The following SLC12A8 variants were observed in gnomAD, a reference collection of about 807,000 sequenced individuals.
SLC12A8 encodes cation-chloride cotransporter 9.
In SLC12A8, 69 loss-of-function variants were observed where a neutral mutation model predicts 75.6. The observed-to-expected ratio is 0.91, with a 90% CI of 0.75 to 1.11. The LOEUF (loss-of-function observed/expected upper bound fraction) is 1.11. Among genes scored for constraint, SLC12A8 ranks in the 50% most tolerant of loss-of-function variants. The pLI, the probability that SLC12A8 is intolerant of heterozygous loss-of-function variation, is 0.00. For synonymous variants in SLC12A8, 365 were observed against 372.8 expected (o/e 0.98, Z 0.24); for missense variants, 877 against 896.7 (o/e 0.98, Z 0.28).
intron 2 of SLC12A8, among the ~76,000 whole-genome samples, chr3:125,200,964 T>C (rs1935108440): frequency 6.6e-6 from 1 of 152,206 alleles, no homozygotes; most frequent in East Asian, 1.9e-4. Flanking sequence ...ACAGTGACCA[T>C]GGATGTGATT....
intron 5 of SLC12A8, among the ~76,000 whole-genome samples, chr3:125,145,098 A>C (rs1415247924): frequency 6.6e-6 from 1 of 152,180 alleles, no homozygotes; most frequent in Non-Finnish European, 1.5e-5. Context: ...TTTAGCCTCA[A>C]ATCCATTTTA....
At chr3:125,180,142 A>G (rs960527513) in intron 4 of SLC12A8, among the ~76,000 whole-genome samples, 2 of 152,096 alleles carry the variant, frequency 1.3e-5, no homozygotes, top group African/African-American at 4.8e-5. Flanking sequence ...GTTTGTATCT[A>G]AAATTGCTTT....
chr3:125,177,512 T>C (rs1009069293), intron 5 of SLC12A8, among the ~76,000 whole-genome samples: 1 of 150,074 alleles, frequency 6.7e-6, no homozygotes, highest in African/African-American at 2.5e-5. Flanking sequence ...AAAAAGAAAA[T>C]AAAAGGACAC....
At chr3:125,144,899 C>A (rs781681006) in intron 5 of SLC12A8, among the ~76,000 whole-genome samples, 7 of 152,158 alleles carry the variant, frequency 4.6e-5, no homozygotes, top group Non-Finnish European at 7.3e-5. Context: ...TAAGCAGAGC[C>A]CCCCTCCTGC....
intron 2 of SLC12A8, among the ~76,000 whole-genome samples, chr3:125,210,995 A>T (rs981275034): frequency 1.5e-5 from 2 of 134,914 alleles, no homozygotes; most frequent in Admixed American, 7.3e-5. Flanking sequence ...AAATGAGTTC[A>T]TATTATCTGA....
rs1227154283 is a variant in SLC12A8, at chr3:125,177,902, A to C, written c.463T>G (p.Trp155Gly). The C allele has an allele frequency of 6.2e-7, 1 of 1,614,092 alleles. No individual in the cohort carries two copies. The highest frequency in any genetic ancestry group is 2.2e-5 in the East Asian group (1 of 44,900). ...ISDLLGLGNI[W>G]AVRGISVAVL... is the part of the protein sequence containing the mutation. ...GCAACTGAAATTCCTCGCACAGCCC[A>C]GATATTCCCGAGGCCCAGCAAATCC... The change falls in exon 5 of 14, where the codon TGG (tryptophan) becomes GGG (glycine). Residue 155 changes from tryptophan to glycine, a missense_variant. By Grantham distance (184) the Trp-to-Gly change is radical. Transcript: ENST00000469902.
chr3:125,110,141 C>G, intron 9 of SLC12A8, 48 bp downstream of exon 9: 2 of 1,584,064 alleles, frequency 1.3e-6, no homozygotes, highest in South Asian at 2.3e-5. Context: ...GTGAGGTTAG[C>G]AGCAAAACAT....
rs756353344 is a variant in SLC12A8 at position 125,088,342 on chromosome 3, C to T, written c.1950G>A (p.Arg650=). 1 of 1,614,158 alleles carries T rather than the reference C, an allele frequency of 6.2e-7. No individual in the cohort carries two copies. Among genetic ancestry groups the T allele is most frequent in the Non-Finnish European group, 8.5e-7 (1 of 1,180,032 alleles). ...AGGGGAGCAAGAGAGACCTCATCCA[C>T]CGGAAAAAGCTGAAGTTGGAGGCTG... ...LGSASNFSFF[R]WMRSLLLPSC... The change falls in exon 13 of 14, where the codon CGG becomes CGA. Residue 650 remains arginine (R), a synonymous_variant. Coordinates refer to ENST00000469902, the MANE Select transcript of SLC12A8 (RefSeq NM_024628.6).
At chr3:125,120,478 G>T in intron 7 of SLC12A8, 121 bp downstream of exon 7, 1 of 766,596 alleles carries the variant, frequency 1.3e-6, no homozygotes, top group South Asian at 1.5e-5. Flanking sequence ...AGAAGGATCG[G>T]AATATGAAAT....
chr3:125,177,945 G>A lies in SLC12A8; in HGVS notation c.420C>T (p.Gly140=). Residue 140 remains glycine (G), a synonymous_variant, in exon 5 of 14, where the codon GGC becomes GGT. Transcript: ENST00000469902. ...QCVAGAMYIT[G]FAESISDLLG... ...GCAAATCCGAGATGGATTCAGCAAAGCCGGTGATATACATGGCACCTGCAA... is the reference window on the plus strand; with the variant it reads ...GCAAATCCGAGATGGATTCAGCAAAACCGGTGATATACATGGCACCTGCAA... The A allele has an allele frequency of 6.2e-7, 1 of 1,613,780 alleles. No individual in the cohort carries two copies. The highest frequency in any genetic ancestry group is 8.5e-7 in the Non-Finnish European group (1 of 1,179,876).
chr3:125,177,911 C>T lies in SLC12A8; in HGVS notation c.454G>A (p.Gly152Arg), dbSNP rs200031423. The T allele has an allele frequency of 1.0e-4, 167 of 1,614,116 alleles. No individual in the cohort carries two copies. Among genetic ancestry groups the T allele is most frequent in the Middle Eastern group, 6.6e-4 (4 of 6,062 alleles). The change falls in exon 5 of 14, where the codon GGG (glycine) becomes AGG (arginine). Residue 152 changes from glycine (G) to arginine (R), a missense_variant. Physicochemically the swap from Gly to Arg is moderately radical, Grantham distance 125. Coordinates refer to ENST00000469902, the MANE Select transcript of SLC12A8 (RefSeq NM_024628.6). ...AESISDLLGL[G>R]NIWAVRGISV... ...ATTCCTCGCACAGCCCAGATATTCC[C>T]GAGGCCCAGCAAATCCGAGATGGAT...
chr3:125,145,103 A>G (rs1401922108), intron 5 of SLC12A8, among the ~76,000 whole-genome samples: 1 of 152,156 alleles, frequency 6.6e-6, no homozygotes, highest in African/African-American at 2.4e-5. Context: ...CCTCAAATCC[A>G]TTTTACAGAT....
rs761508605 is a variant in SLC12A8 at position 125,190,406 on chromosome 3, A to G, written c.167T>C (p.Val56Ala). Residue 56 changes from valine to alanine, a missense_variant, in exon 3 of 14, where the codon GTT becomes GCT. Physicochemically the swap from Val to Ala is moderately conservative, Grantham distance 64 (BLOSUM62 0). Transcript: ENST00000469902. ...CCAGCCAGTCCTCAGGAAGAGCACA[A>G]CCCCAAAGATGTTGATCATGCAGGA... ...FTSCMINIFG[V>A]VLFLRTGWLV... 6.2e-7 allele frequency: 1 copy of G among 1,614,136 alleles called. No individual in the cohort carries two copies. The highest frequency in any genetic ancestry group is 2.2e-5 in the East Asian group (1 of 44,866).
chr3:125,109,412 A>G (rs1325316387), intron 9 of SLC12A8, among the ~76,000 whole-genome samples: 5 of 152,266 alleles, frequency 3.3e-5, no homozygotes, highest in African/African-American at 7.2e-5. Context: ...GACTATGTCC[A>G]AAACCAAACT....
intron 2 of SLC12A8, among the ~76,000 whole-genome samples, chr3:125,202,197 ACCTCGCCCAGCC>A (rs1935135597): frequency 6.6e-6 from 1 of 152,196 alleles, no homozygotes; most frequent in Non-Finnish European, 1.5e-5. Context: ...GGCATGAGCC[ACCTCGCCCAGCC>A]GTATGTGTAT....
At chr3:125,169,454 G>A (rs543900847) in intron 5 of SLC12A8, among the ~76,000 whole-genome samples, 1 of 152,154 alleles carries the variant, frequency 6.6e-6, no homozygotes, top group East Asian at 1.9e-4. Flanking sequence ...AGGACCCACT[G>A]TTATTGGAAG....
chr3:125,091,382 C>T, intron 12 of SLC12A8, 57 bp downstream of exon 12: 2 of 1,131,618 alleles, frequency 1.8e-6, no homozygotes, highest in South Asian at 1.3e-5. Flanking sequence ...TCTTTTTTTT[C>T]CCAATGAATG....
At chr3:125,187,702 G>A (rs746747190) in intron 3 of SLC12A8, among the ~76,000 whole-genome samples, 4 of 152,124 alleles carry the variant, frequency 2.6e-5, no homozygotes, top group Non-Finnish European at 5.9e-5. Flanking sequence ...GCCCTCACGA[G>A]GTGCCTCCTA....
chr3:125,089,142 G>C (rs1282647329), intron 12 of SLC12A8, among the ~76,000 whole-genome samples: 1 of 152,138 alleles, frequency 6.6e-6, no homozygotes, highest in African/African-American at 2.4e-5. Flanking sequence ...CAGGAAAATA[G>C]CATTATTTTA....
Sources: allele counts gnomAD v4.1 joint callset (sites outside exome capture counted in the v4.1 genomes callset), GRCh38; gene constraint gnomAD v4.1.1; transcripts MANE v1.5; gene names NCBI Gene and HGNC (gene_info 2026-07-23, HGNC 2026-07-21).